The following ASIC2 variants were observed in gnomAD, a reference collection of about 807,000 sequenced individuals.
The protein encoded by ASIC2 is acid sensing ion channel subunit 2.
ASIC2 carries 25 observed loss-of-function variants against 57.3 expected under a neutral mutation model. That is an observed-to-expected ratio of 0.44 (90% CI 0.32 to 0.61). The LOEUF (loss-of-function observed/expected upper bound fraction) is 0.61. ASIC2 is among the 20% of genes least tolerant of loss of function. The pLI is 0.06. For synonymous variants in ASIC2, 319 were observed against 307.5 expected (o/e 1.04, Z -0.39); for missense variants, 641 against 738.1 (o/e 0.87, Z 1.52).
intron 1 of ASIC2, chr17:34,051,858 C>CACACACACAT (rs1567801884): frequency 2.2e-4 from 12 of 54,690 alleles, no homozygotes; most frequent in African/African-American, 2.1e-3. Flanking sequence ...TACACACACA[C>CACACACACAT]AGAGAGAGAG....
At chr17:34,042,546 C>A (rs1022360497) in intron 1 of ASIC2, among the ~76,000 whole-genome samples, 1 of 151,572 alleles carries the variant, frequency 6.6e-6, no homozygotes, top group African/African-American at 2.4e-5. Flanking sequence ...AGGCTGGAGA[C>A]AGTGGTAAGG....
chr17:33,090,608 AG>A (rs1269795015), intron 2 of ASIC2, among the ~76,000 whole-genome samples: 1 of 149,696 alleles, frequency 6.7e-6, no homozygotes, highest in Admixed American at 6.7e-5. Flanking sequence ...AGGGATGGAG[AG>A]GGGGAGGACA....
intron 1 of ASIC2, among the ~76,000 whole-genome samples, chr17:33,878,904 A>G (rs2141937948): frequency 6.6e-6 from 1 of 152,342 alleles, no homozygotes; most frequent in South Asian, 2.1e-4. Flanking sequence ...CTAACAGCTG[A>G]TCTCTTGGCA....
chr17:33,511,016 T>G (rs1914415075), intron 1 of ASIC2, among the ~76,000 whole-genome samples: 1 of 152,184 alleles, frequency 6.6e-6, no homozygotes. Context: ...TATTACAGAT[T>G]TTCACATGTA....
chr17:33,857,660 C>T (rs544473493), intron 1 of ASIC2, among the ~76,000 whole-genome samples: 12 of 152,254 alleles, frequency 7.9e-5, no homozygotes, highest in East Asian at 3.9e-4. Flanking sequence ...CTGTTCGAGG[C>T]GCTGAGGTAT....
chr17:33,961,343 CA>C (rs2141992066), intron 1 of ASIC2, among the ~76,000 whole-genome samples: 1 of 152,314 alleles, frequency 6.6e-6, no homozygotes, highest in South Asian at 2.1e-4. Context: ...GCAGGGATAA[CA>C]GGGGCAGAAG....
chr17:33,859,533 T>C lies in ASIC2; in HGVS notation c.555+296445A>G, dbSNP rs16968973. On this transcript the variant is annotated intron_variant, in intron 1 of 9. Coordinates refer to the ASIC2 transcript ENST00000359872. ...CACTGGGAGCAACTGACAGAACTTA[T>C]GTGTAGAGTGAGATCCCTGTTGGCT... 7.7e-3 allele frequency among the ~76,000 whole-genome samples: 1,167 copies of C among 152,270 alleles called. 14 individuals carry two copies. The highest frequency in any genetic ancestry group is 0.031 in the South Asian group (149 of 4,822).
intron 1 of ASIC2, among the ~76,000 whole-genome samples, chr17:33,948,196 A>G (rs191754096): frequency 4.6e-5 from 7 of 152,326 alleles, no homozygotes; most frequent in African/African-American, 7.2e-5. Flanking sequence ...CTGATAATCT[A>G]TAAGCTGAAT....
At chr17:33,790,957 A>G (rs2142136367) in intron 1 of ASIC2, among the ~76,000 whole-genome samples, 1 of 152,338 alleles carries the variant, frequency 6.6e-6, no homozygotes, top group East Asian at 1.9e-4. Flanking sequence ...ACAGAGGCAC[A>G]GAGAGGCTGA....
chr17:33,629,364 T>G (rs1418661083), intron 1 of ASIC2, among the ~76,000 whole-genome samples: 1 of 152,182 alleles, frequency 6.6e-6, no homozygotes, highest in Non-Finnish European at 1.5e-5. Context: ...GACATTTCAC[T>G]CCAGTTGGGA....
intron 1 of ASIC2, among the ~76,000 whole-genome samples, chr17:33,948,006 T>C (rs1904438973): frequency 6.6e-6 from 1 of 152,184 alleles, no homozygotes; most frequent in Non-Finnish European, 1.5e-5. Flanking sequence ...CAGAATAGGA[T>C]GTGAAGGGTG....
intron 1 of ASIC2, among the ~76,000 whole-genome samples, chr17:33,865,759 T>TAAAAAAAAAAAAAAAAAAAAAA (rs61218521): frequency 7.4e-5 from 9 of 122,082 alleles, no homozygotes; most frequent in African/African-American, 1.3e-4. Context: ...AAAAAAAAAA[T>TAAAAAAAAAAAAAAAAAAAAAA]AAAAAAAAAA....
intron 1 of ASIC2, among the ~76,000 whole-genome samples, chr17:33,710,744 T>C (rs570136661): frequency 6.6e-6 from 1 of 152,216 alleles, no homozygotes; most frequent in South Asian, 2.1e-4. Context: ...TATCCAAGCA[T>C]ATTGGTAGGG....
At chr17:33,845,960 T>C (rs1913582009) in intron 1 of ASIC2, among the ~76,000 whole-genome samples, 1 of 152,212 alleles carries the variant, frequency 6.6e-6, no homozygotes, top group African/African-American at 2.4e-5. Context: ...GTGGACTTCC[T>C]CTTATGACTT....
intron 1 of ASIC2, among the ~76,000 whole-genome samples, chr17:33,253,842 C>G (rs1035076891): frequency 3.9e-5 from 6 of 152,160 alleles, no homozygotes; most frequent in African/African-American, 1.4e-4. Context: ...TGTTCCAGCC[C>G]CATGATGCCG....
chr17:33,423,384 A>C (rs2141973136), intron 1 of ASIC2, among the ~76,000 whole-genome samples: 1 of 152,242 alleles, frequency 6.6e-6, no homozygotes, highest in Middle Eastern at 3.4e-3. Flanking sequence ...AATTATTCTG[A>C]GCTTCCATTT....
intron 1 of ASIC2, among the ~76,000 whole-genome samples, chr17:33,601,923 C>T (rs1389834028): frequency 6.6e-6 from 1 of 152,206 alleles, no homozygotes; most frequent in Non-Finnish European, 1.5e-5. Context: ...ACCAGTTACC[C>T]CTTTCTTCTT....
At chr17:33,285,041 A>C (rs1669595842) in intron 1 of ASIC2, among the ~76,000 whole-genome samples, 1 of 152,256 alleles carries the variant, frequency 6.6e-6, no homozygotes, top group Admixed American at 6.5e-5. Context: ...CAATTGAGTC[A>C]ATGAAATTTA....
intron 1 of ASIC2, among the ~76,000 whole-genome samples, chr17:33,954,860 C>T (rs981437121): frequency 8.5e-5 from 13 of 152,148 alleles, no homozygotes; most frequent in African/African-American, 2.9e-4. Flanking sequence ...ATAAGAAGAA[C>T]CTTGAAGTCT....
Sources: allele counts gnomAD v4.1 joint callset (sites outside exome capture counted in the v4.1 genomes callset), GRCh38; gene constraint gnomAD v4.1.1; transcripts MANE v1.5; gene names NCBI Gene and HGNC (gene_info 2026-07-23, HGNC 2026-07-21).